The following MCPH1 variants were observed in gnomAD, a reference collection of about 807,000 sequenced individuals.
MCPH1 encodes microcephalin 1.
In MCPH1, 104 loss-of-function variants were observed where a neutral mutation model predicts 84.5. That is an observed-to-expected ratio of 1.23 (90% CI 1.05 to 1.45). The LOEUF (loss-of-function observed/expected upper bound fraction) is 1.45. Ranked by LOEUF, MCPH1 falls within the 40% of genes most tolerant of loss-of-function variation. The probability of loss-of-function intolerance (pLI) is 0.00; values close to 1 mark genes in which losing one functional copy is unlikely to be tolerated. For synonymous variants in MCPH1, 514 were observed against 366.8 expected (o/e 1.40, Z -4.58); for missense variants, 1,498 against 1,005.7 (o/e 1.49, Z -6.62).
intron 3 of MCPH1, among the ~76,000 whole-genome samples, chr8:6,422,777 C>T (rs1448539752): frequency 5.3e-5 from 8 of 152,134 alleles, no homozygotes; most frequent in Non-Finnish European, 1.0e-4. Context: ...CAACCTCCGC[C>T]TCCTGGGTTC....
chr8:6,509,470 C>A (rs959807499), intron 12 of MCPH1, among the ~76,000 whole-genome samples: 4 of 152,122 alleles, frequency 2.6e-5, no homozygotes, highest in Non-Finnish European at 5.9e-5. Flanking sequence ...CCGCAGGGGG[C>A]CCCGGGGGGG....
At chr8:6,515,874 G>T (rs922390608) in intron 12 of MCPH1, among the ~76,000 whole-genome samples, 3 of 152,222 alleles carry the variant, frequency 2.0e-5, no homozygotes, top group African/African-American at 7.2e-5. Flanking sequence ...AAAGAGGAGA[G>T]CGAAAAGAGA....
At chr8:6,607,311 A>G (rs1829864070) in intron 12 of MCPH1, among the ~76,000 whole-genome samples, 1 of 152,200 alleles carries the variant, frequency 6.6e-6, no homozygotes, top group African/African-American at 2.4e-5. Context: ...GCTCACTCCC[A>G]GTTTGTCTAA....
intron 3 of MCPH1, among the ~76,000 whole-genome samples, chr8:6,423,462 G>C (rs1487179310): frequency 6.6e-6 from 1 of 152,102 alleles, no homozygotes; most frequent in African/African-American, 2.4e-5. Context: ...CCTGCGCCCG[G>C]CCCATACACT....
At chr8:6,511,999 C>G (rs779340433) in intron 12 of MCPH1, among the ~76,000 whole-genome samples, 2 of 150,920 alleles carry the variant, frequency 1.3e-5, no homozygotes, top group Non-Finnish European at 2.9e-5. Flanking sequence ...CCACTTGTGT[C>G]TCAAAATTCA....
chr8:6,458,294 A>T (rs1255851858), intron 9 of MCPH1, among the ~76,000 whole-genome samples: 4 of 151,942 alleles, frequency 2.6e-5, no homozygotes, highest in African/African-American at 4.8e-5. Context: ...AAGACGGTGA[A>T]ACCCCGTCTC....
At chr8:6,408,149 C>T (rs918424193) in intron 1 of MCPH1, among the ~76,000 whole-genome samples, 2 of 152,202 alleles carry the variant, frequency 1.3e-5, no homozygotes, top group African/African-American at 4.8e-5. Flanking sequence ...CAAATGTAAA[C>T]TCTCATGTAT....
At chr8:6,581,570 A>T (rs900707175) in intron 12 of MCPH1, among the ~76,000 whole-genome samples, 9 of 152,382 alleles carry the variant, frequency 5.9e-5, no homozygotes, top group Admixed American at 1.3e-4. Context: ...ACATTTTTAC[A>T]ATACTAGTAT....
intron 12 of MCPH1, among the ~76,000 whole-genome samples, chr8:6,522,436 T>C (rs1323784886): frequency 6.6e-6 from 1 of 151,922 alleles, no homozygotes; most frequent in Admixed American, 6.6e-5. Flanking sequence ...TTAACGTTAA[T>C]ATAGACATTA....
chr8:6,406,730 G>T (rs751390398), intron 1 of MCPH1, 41 bp downstream of exon 1: 1 of 1,608,824 alleles, frequency 6.2e-7, no homozygotes, highest in Non-Finnish European at 8.5e-7. Context: ...GCGGGAGTTT[G>T]AGGACCGGCA....
At chr8:6,420,545 G>A (rs1800021345) in intron 3 of MCPH1, among the ~76,000 whole-genome samples, 1 of 152,040 alleles carries the variant, frequency 6.6e-6, no homozygotes, top group Non-Finnish European at 1.5e-5. Context: ...GGGAGGGAAT[G>A]GGGTAAGACT....
intron 9 of MCPH1, among the ~76,000 whole-genome samples, chr8:6,468,703 A>G (rs970333476): frequency 6.7e-6 from 1 of 149,086 alleles, no homozygotes; most frequent in Non-Finnish European, 1.5e-5. Context: ...GACAGTAAGT[A>G]TTGAAAACTG....
rs545201063 is a variant in MCPH1 at position 6,464,147 on chromosome 8, C to T, written c.1935+8895C>T. Among the ~76,000 whole-genome samples, 5 of 152,308 alleles carry T rather than the reference C, an allele frequency of 3.3e-5. No homozygotes were observed. In the South Asian group the frequency reaches 1.0e-3, roughly 32 times the overall value. On this transcript the variant is annotated intron_variant, in intron 9 of 13. Transcript: ENST00000344683. ...AGATAGGCCCTTTAGTGCCGACCAG[C>T]CGGCCAGTGAGCTCTGTAAGATCGA...
chr8:6,493,620 G>T (rs1279042075), intron 11 of MCPH1, among the ~76,000 whole-genome samples: 1 of 152,038 alleles, frequency 6.6e-6, no homozygotes, highest in Non-Finnish European at 1.5e-5. Context: ...TCACCTGGGG[G>T]ATCTTACTGA....
intron 12 of MCPH1, among the ~76,000 whole-genome samples, chr8:6,574,017 T>G (rs1826867028): frequency 6.6e-6 from 1 of 152,106 alleles, no homozygotes; most frequent in Non-Finnish European, 1.5e-5. Flanking sequence ...TCTTACAATT[T>G]CCCAAGAATA....
chr8:6,544,578 T>C (rs1002768256), intron 12 of MCPH1, among the ~76,000 whole-genome samples: 23 of 152,328 alleles, frequency 1.5e-4, no homozygotes, highest in Non-Finnish European at 2.9e-4. Flanking sequence ...GGTGTGTCAT[T>C]CATGTATTGG....
intron 12 of MCPH1, among the ~76,000 whole-genome samples, chr8:6,608,246 C>T (rs2515551): frequency 0.016 from 2,433 of 152,280 alleles, 55 homozygotes; most frequent in African/African-American, 0.054. Flanking sequence ...CCGTGCTTAC[C>T]GGCTGGTGGC....
intron 9 of MCPH1, chr8:6,474,146 C>T: frequency 1.3e-6 from 1 of 755,222 alleles, no homozygotes; most frequent in African/African-American, 1.7e-5. Context: ...AATAACTCCA[C>T]ATTCTCTCAT....
At chr8:6,563,549 A>C (rs559294268) in intron 12 of MCPH1, 1 of 152,404 alleles carries the variant, frequency 6.6e-6, no homozygotes, top group African/African-American at 2.4e-5. Flanking sequence ...TGCCGTGCTA[A>C]GCTGGCAAAA....
Sources: allele counts gnomAD v4.1 joint callset (sites outside exome capture counted in the v4.1 genomes callset), GRCh38; gene constraint gnomAD v4.1.1; transcripts MANE v1.5; gene names NCBI Gene and HGNC (gene_info 2026-07-23, HGNC 2026-07-21).